Variants in GRM8 observed in about 807,000 individuals in gnomAD.
GRM8 encodes the protein glutamate metabotropic receptor 8.
In GRM8, 47 loss-of-function variants were observed where a neutral mutation model predicts 87.2. That is an observed-to-expected ratio of 0.54 (90% CI 0.43 to 0.69). The LOEUF (loss-of-function observed/expected upper bound fraction) is 0.69. GRM8 is among the 30% of genes least tolerant of loss of function. The probability of loss-of-function intolerance (pLI) is 0.00; values close to 1 mark genes in which losing one functional copy is unlikely to be tolerated. For missense variants in GRM8, 1,019 were observed against 1,139.2 expected (o/e 0.89, Z 1.52); for synonymous variants, 396 against 404.5 (o/e 0.98, Z 0.25).
chr7:126,993,531 T>C (rs1812881406), intron 3 of GRM8, among the ~76,000 whole-genome samples: 2 of 152,130 alleles, frequency 1.3e-5, no homozygotes, highest in South Asian at 4.2e-4. Context: ...AAAAATCAGG[T>C]AAGCAATCAC....
chr7:127,124,179 C>G (rs186667402), intron 2 of GRM8, among the ~76,000 whole-genome samples: 1 of 152,260 alleles, frequency 6.6e-6, no homozygotes, highest in African/African-American at 2.4e-5. Flanking sequence ...CTACCTTTTA[C>G]AACCAAACTT....
intron 7 of GRM8, among the ~76,000 whole-genome samples, chr7:126,693,936 TA>T (rs1809091643): frequency 6.6e-6 from 1 of 152,044 alleles, no homozygotes; most frequent in Non-Finnish European, 1.5e-5. Flanking sequence ...GTTTCTTTCA[TA>T]AATTGTTGGA....
intron 6 of GRM8, among the ~76,000 whole-genome samples, chr7:126,846,840 C>T (rs756770964): frequency 3.3e-5 from 5 of 152,122 alleles, no homozygotes; most frequent in Admixed American, 2.6e-4. Flanking sequence ...AGTTCACTCT[C>T]TCATGTTACC....
rs939537505 is a variant in GRM8, at chr7:126,603,443, A to G, written c.1494+5919T>C. On this transcript the variant is annotated intron_variant, in intron 8 of 10. Coordinates refer to ENST00000339582, the MANE Select transcript of GRM8 (RefSeq NM_000845.3). Reference sequence around the variant, plus strand: ...TTCAATTAGGAAAAGAGGAAGTCAAATTGTCACTGTTTGCAGACGACATGA... The same window carrying G: ...TTCAATTAGGAAAAGAGGAAGTCAAGTTGTCACTGTTTGCAGACGACATGA... 3.3e-5 allele frequency among the ~76,000 whole-genome samples: 5 copies of G among 151,624 alleles called. No homozygotes were observed. The South Asian group carries it at 1.0e-3, about 32-fold the overall frequency.
intron 3 of GRM8, among the ~76,000 whole-genome samples, chr7:126,919,469 T>C (rs1417198712): frequency 6.6e-6 from 1 of 152,148 alleles, no homozygotes; most frequent in African/African-American, 2.4e-5. Context: ...CAATTCAAAA[T>C]TATAAATCCT....
At chr7:126,845,644 T>A (rs923094483) in intron 6 of GRM8, among the ~76,000 whole-genome samples, 2 of 152,240 alleles carry the variant, frequency 1.3e-5, no homozygotes, top group Non-Finnish European at 2.9e-5. Context: ...CAAAAAAGCA[T>A]ATATTTAAAG....
At chr7:127,234,715 G>T (rs1797886258) in intron 2 of GRM8, among the ~76,000 whole-genome samples, 1 of 152,198 alleles carries the variant, frequency 6.6e-6, no homozygotes, top group African/African-American at 2.4e-5. Context: ...CAGAAACTCT[G>T]CAGGTGGGCT....
intron 2 of GRM8, among the ~76,000 whole-genome samples, chr7:127,148,233 C>G (rs971639129): frequency 1.3e-5 from 2 of 151,812 alleles, no homozygotes; most frequent in African/African-American, 2.4e-5. Context: ...TAGAAAGCAA[C>G]TTTTCCACTA....
Position 126,686,668 on chromosome 7 carries a change from ACACT to A in GRM8, c.1358-77174_1358-77171del, listed in dbSNP as rs554334766. 3.3e-3 allele frequency among the ~76,000 whole-genome samples: 505 copies of A among 152,220 alleles called. 2 individuals are homozygous for A. Among genetic ancestry groups the A allele is most frequent in the Non-Finnish European group, 5.3e-3 (358 of 67,988 alleles). ...TTGCTGTGCACACTGGCCAGACCCC[ACACT>A]CACTCACACTCACCACTCCACGCCT... On this transcript the variant is annotated intron_variant, in intron 7 of 10. Transcript: ENST00000339582.
intron 7 of GRM8, among the ~76,000 whole-genome samples, chr7:126,686,253 T>A (rs961374192): frequency 2.0e-5 from 3 of 152,108 alleles, no homozygotes; most frequent in Non-Finnish European, 1.5e-5. Context: ...CCTCTTTGTC[T>A]TGCTCACGCT....
Position 127,228,987 on chromosome 7 carries a change from A to G in GRM8, c.510+13708T>C, listed in dbSNP as rs548908700. 3.9e-5 allele frequency: 6 copies of G among 152,232 alleles called. No homozygotes were observed. The South Asian group carries it at 1.2e-3, about 31-fold the overall frequency. The allele number at this position is 152,232 out of a possible 1,614,324, so 9.4% of individuals were successfully genotyped here. On this transcript the variant is annotated intron_variant, in intron 2 of 10. Coordinates refer to ENST00000339582, the MANE Select transcript of GRM8 (RefSeq NM_000845.3). ...CATTTTTTAAAAATAAGGTGTTAAA[A>G]TAATATTTATTCATCAATCCTATAC...
intron 2 of GRM8, among the ~76,000 whole-genome samples, chr7:127,237,028 A>C (rs1798020350): frequency 6.6e-6 from 1 of 152,218 alleles, no homozygotes; most frequent in Non-Finnish European, 1.5e-5. Flanking sequence ...AGTCAAGGAA[A>C]GTGAGAAAAG....
At chr7:127,105,644 CAA>C (rs1825734371) in intron 3 of GRM8, among the ~76,000 whole-genome samples, 1 of 152,052 alleles carries the variant, frequency 6.6e-6, no homozygotes, top group South Asian at 2.1e-4. Context: ...TGAAAAAAAT[CAA>C]TGGACACTTT....
At chr7:126,718,938 A>G in intron 7 of GRM8, among the ~76,000 whole-genome samples, 1 of 152,218 alleles carries the variant, frequency 6.6e-6, no homozygotes, top group East Asian at 1.9e-4. Flanking sequence ...GGTCTGTACC[A>G]TTATCTTTCA....
chr7:126,584,906 A>G (rs1444902865), intron 8 of GRM8, among the ~76,000 whole-genome samples: 2 of 152,198 alleles, frequency 1.3e-5, no homozygotes, highest in Non-Finnish European at 2.9e-5. Flanking sequence ...GGTAAGCAAA[A>G]TAAGTGGTTA....
intron 3 of GRM8, among the ~76,000 whole-genome samples, chr7:126,964,723 A>C (rs1260977239): frequency 4.6e-5 from 7 of 152,238 alleles, no homozygotes; most frequent in Admixed American, 3.9e-4. Flanking sequence ...AGGGTAAATT[A>C]GTTCAACCAT....
intron 2 of GRM8, among the ~76,000 whole-genome samples, chr7:127,107,026 G>T (rs1157803576): frequency 6.6e-6 from 1 of 152,108 alleles, no homozygotes; most frequent in African/African-American, 2.4e-5. Context: ...TGCTTTTTTA[G>T]TCTGTACATG....
At chr7:126,675,409 T>C (rs1806858205) in intron 7 of GRM8, among the ~76,000 whole-genome samples, 1 of 152,152 alleles carries the variant, frequency 6.6e-6, no homozygotes, top group African/African-American at 2.4e-5. Context: ...ATCAAACTGA[T>C]ACCTAAGCCA....
intron 3 of GRM8, among the ~76,000 whole-genome samples, chr7:127,034,157 C>T (rs1328586375): frequency 6.6e-6 from 1 of 152,162 alleles, no homozygotes; most frequent in Non-Finnish European, 1.5e-5. Flanking sequence ...ATTTTCTTTT[C>T]ATGTACTTTA....
Sources: allele counts gnomAD v4.1 joint callset (sites outside exome capture counted in the v4.1 genomes callset), GRCh38; gene constraint gnomAD v4.1.1; transcripts MANE v1.5; gene names NCBI Gene and HGNC (gene_info 2026-07-23, HGNC 2026-07-21).